Variants in COMMD10 observed in about 807,000 individuals in gnomAD.
COMMD10 encodes the protein COMM domain containing 10, also known as COMM domain-containing protein 10.
In COMMD10, 33 loss-of-function variants were observed where a neutral mutation model predicts 28.9. The observed-to-expected ratio is 1.14, with a 90% CI of 0.87 to 1.53. The LOEUF (loss-of-function observed/expected upper bound fraction) is 1.53. Ranked by LOEUF, COMMD10 falls within the 40% of genes most tolerant of loss-of-function variation. The probability of loss-of-function intolerance (pLI) is 0.00; values close to 1 mark genes in which losing one functional copy is unlikely to be tolerated. For missense variants in COMMD10, 310 were observed against 233.4 expected, an observed-to-expected ratio of 1.33 and a Z score of -2.14; for synonymous variants, 110 against 81.7, an observed-to-expected ratio of 1.35 and a Z score of -1.87.
chr5:116,095,263 T>C (rs1750431090), intron 4 of COMMD10, among the ~76,000 whole-genome samples: 1 of 152,100 alleles, frequency 6.6e-6, no homozygotes, highest in African/African-American at 2.4e-5. Context: ...AGTCTATGCA[T>C]ATAAGAAAAT....
At chr5:116,286,426 TC>T (rs1417849311) in intron 5 of COMMD10, among the ~76,000 whole-genome samples, 2 of 150,922 alleles carry the variant, frequency 1.3e-5, no homozygotes, top group Non-Finnish European at 3.0e-5. Flanking sequence ...TTTTTTTTTT[TC>T]CTAGTTCCTT....
At chr5:116,228,650 C>T (rs559930881) in intron 5 of COMMD10, among the ~76,000 whole-genome samples, 3 of 151,872 alleles carry the variant, frequency 2.0e-5, no homozygotes, top group Admixed American at 1.3e-4. Context: ...TTTGTGGTTG[C>T]ATAAATTGTG....
At chr5:116,288,275 C>G (rs2112715540) in intron 5 of COMMD10, among the ~76,000 whole-genome samples, 1 of 151,810 alleles carries the variant, frequency 6.6e-6, no homozygotes, top group South Asian at 2.1e-4. Flanking sequence ...TCATCCTACT[C>G]CTTTCTGGCC....
chr5:116,163,890 T>A (rs544020404), intron 5 of COMMD10, among the ~76,000 whole-genome samples: 1 of 152,188 alleles, frequency 6.6e-6, no homozygotes, highest in Non-Finnish European at 1.5e-5. Flanking sequence ...TTTATGTATA[T>A]TTTTGGTTTT....
chr5:116,097,960 C>A (rs191044720), intron 4 of COMMD10, among the ~76,000 whole-genome samples: 1 of 152,170 alleles, frequency 6.6e-6, no homozygotes, highest in Non-Finnish European at 1.5e-5. Flanking sequence ...GGGCCCACCT[C>A]CAACACTGGA....
chr5:116,254,513 G>T (rs1276129929), intron 5 of COMMD10, among the ~76,000 whole-genome samples: 1 of 150,918 alleles, frequency 6.6e-6, no homozygotes, highest in Admixed American at 6.6e-5. Context: ...GTTCTTGTTG[G>T]TTTCAAAGAA....
intron 3 of COMMD10, 99 bp from the exon 4 acceptor site, chr5:116,092,446 T>C: frequency 1.8e-5 from 15 of 829,808 alleles, no homozygotes; most frequent in Non-Finnish European, 2.6e-5. Context: ...AAGTTTTCTT[T>C]TGACTTAAGT....
At chr5:116,214,335 C>T (rs984436986) in intron 5 of COMMD10, among the ~76,000 whole-genome samples, 1 of 152,044 alleles carries the variant, frequency 6.6e-6, no homozygotes, top group Admixed American at 6.5e-5. Context: ...CATTAATGAG[C>T]AAATGTGAAG....
intron 4 of COMMD10, among the ~76,000 whole-genome samples, chr5:116,113,007 T>A (rs952891585): frequency 1.3e-5 from 2 of 152,240 alleles, no homozygotes; most frequent in Non-Finnish European, 2.9e-5. Context: ...GTAGGACTGG[T>A]CTAGTTTTCA....
intron 5 of COMMD10, among the ~76,000 whole-genome samples, chr5:116,256,316 G>C (rs1401515668): frequency 6.6e-6 from 1 of 151,674 alleles, no homozygotes; most frequent in Non-Finnish European, 1.5e-5. Context: ...GGGTTGTTGA[G>C]TATATGAAGA....
chr5:116,221,882 T>C (rs776857522), intron 5 of COMMD10, among the ~76,000 whole-genome samples: 4 of 151,924 alleles, frequency 2.6e-5, no homozygotes, highest in Non-Finnish European at 5.9e-5. Flanking sequence ...CATAGACAGG[T>C]AGATAGGAAG....
intron 5 of COMMD10, among the ~76,000 whole-genome samples, chr5:116,268,650 A>T (rs1432813371): frequency 6.6e-6 from 1 of 151,884 alleles, no homozygotes; most frequent in Admixed American, 6.6e-5. Context: ...ACACACACAT[A>T]TGTTTATTGC....
rs1478778966 is a variant in COMMD10 at position 116,099,757 on chromosome 5, ATGTC to A, written c.399+7061_399+7064del. Among the ~76,000 whole-genome samples the A allele has an allele frequency of 9.0e-4, 137 of 152,066 alleles. 1 individual carries two copies. The highest frequency in any genetic ancestry group is 2.1e-4 in the South Asian group (1 of 4,822). ...TTTATGCCTTTTTTTGGTGGGGAGA[ATGTC>A]TGTTCAGTTCCTTTGTCCAGTTTTT... is the stretch of plus-strand genomic sequence containing the variant. On this transcript the variant is annotated intron_variant, in intron 4 of 6. Transcript: ENST00000274458.
intron 5 of COMMD10, among the ~76,000 whole-genome samples, chr5:116,151,061 G>A (rs10076953): frequency 0.49 from 73,585 of 149,358 alleles, 21,140 homozygotes; most frequent in Non-Finnish European, 0.65. Flanking sequence ...GAGAGTTTTT[G>A]GCATGAAGCG....
chr5:116,234,241 A>G (rs1279652000), intron 5 of COMMD10, among the ~76,000 whole-genome samples: 1 of 152,196 alleles, frequency 6.6e-6, no homozygotes, highest in Non-Finnish European at 1.5e-5. Flanking sequence ...AATTCCTCAT[A>G]GAAATACTAT....
At chr5:116,286,907 G>A (rs1751233155) in intron 5 of COMMD10, among the ~76,000 whole-genome samples, 1 of 151,678 alleles carries the variant, frequency 6.6e-6, no homozygotes, top group East Asian at 1.9e-4. Context: ...TTGTTTCCTT[G>A]TTGATTTTCT....
At chr5:116,158,761 C>CT (rs2112564011) in intron 5 of COMMD10, among the ~76,000 whole-genome samples, 1 of 151,920 alleles carries the variant, frequency 6.6e-6, no homozygotes, top group South Asian at 2.1e-4. Flanking sequence ...GTAGTTTTGA[C>CT]TTTCATTAAT....
At chr5:116,089,284 G>C (rs1049524161) in intron 2 of COMMD10, among the ~76,000 whole-genome samples, 2 of 152,166 alleles carry the variant, frequency 1.3e-5, no homozygotes, top group Admixed American at 1.3e-4. Context: ...TAGAGATAGA[G>C]ATCAGTTAAG....
At chr5:116,225,894 TTG>T (rs1309830769) in intron 5 of COMMD10, among the ~76,000 whole-genome samples, 3 of 152,114 alleles carry the variant, frequency 2.0e-5, no homozygotes, top group African/African-American at 7.2e-5. Flanking sequence ...AGCTAGGAAT[TTG>T]TGTAGCTTGT....
Sources: allele counts gnomAD v4.1 joint callset (sites outside exome capture counted in the v4.1 genomes callset), GRCh38; gene constraint gnomAD v4.1.1; transcripts MANE v1.5; gene names NCBI Gene and HGNC (gene_info 2026-07-23, HGNC 2026-07-21).